Variants in POU6F2 observed in about 807,000 individuals in gnomAD.
The protein encoded by POU6F2 is POU class 6 homeobox 2.
In POU6F2, 31 loss-of-function variants were observed where a neutral mutation model predicts 71.3. The ratio of observed to expected loss-of-function variants is 0.43; its 90% confidence interval spans 0.33 to 0.59. POU6F2 has a LOEUF of 0.59. POU6F2 is among the 20% of genes least tolerant of loss of function. The probability of loss-of-function intolerance (pLI) is 0.04; values close to 1 mark genes in which losing one functional copy is unlikely to be tolerated. For synonymous variants in POU6F2, 347 were observed against 355.7 expected, an observed-to-expected ratio of 0.98 and a Z score of 0.27; for missense variants, 783 against 856.8, an observed-to-expected ratio of 0.91 and a Z score of 1.07.
At chr7:39,212,395 G>A (rs567007566) in intron 4 of POU6F2, among the ~76,000 whole-genome samples, 4 of 152,180 alleles carry the variant, frequency 2.6e-5, no homozygotes, top group Non-Finnish European at 5.9e-5. Context: ...TGTTTTGAAC[G>A]AAGACCTTGG....
rs1368827220 is a variant in POU6F2 at position 38,984,369 on chromosome 7, G to T, written c.105+6311G>T. ...CAGTTTGATGAGTAATAAGTGAAAA[G>T]CGAAATCTTTGTGGGCTTCCCAGGC... On this transcript the variant is annotated intron_variant, in intron 1 of 9. Coordinates refer to ENST00000518318, the MANE Select transcript of POU6F2 (RefSeq NM_001370959.1). The T allele has an allele frequency of 2.0e-5, 3 of 152,088 alleles. No individual in the cohort carries two copies. In the East Asian group the frequency reaches 5.8e-4, roughly 29 times the overall value. 9.4% of individuals were successfully genotyped at this position (152,088 alleles called of 1,614,324 possible). A position where few individuals can be genotyped will look rare whatever the true frequency, so the allele number is the denominator to read the frequency against.
intron 2 of POU6F2, among the ~76,000 whole-genome samples, chr7:39,133,347 G>A (rs1275199729): frequency 6.6e-6 from 1 of 152,190 alleles, no homozygotes; most frequent in Non-Finnish European, 1.5e-5. Context: ...TGAGTCAAAA[G>A]CACCAACATC....
Position 39,245,155 on chromosome 7 carries a change from A to G in POU6F2, c.598+37535A>G, listed in dbSNP as rs568898760. Among the ~76,000 whole-genome samples, 3 of 152,330 alleles carry G rather than the reference A, an allele frequency of 2.0e-5. No individual in the cohort carries two copies. The East Asian group carries it at 5.8e-4, about 29-fold the overall frequency. On this transcript the variant is annotated intron_variant, in intron 4 of 9. Coordinates refer to ENST00000518318, the MANE Select transcript of POU6F2 (RefSeq NM_001370959.1). Reference sequence around the variant, plus strand: ...AAAGCCTACTTTGGGTCTATAAATCACAGAAATGAGTATCTTTAAAGTTTA... The same window carrying G: ...AAAGCCTACTTTGGGTCTATAAATCGCAGAAATGAGTATCTTTAAAGTTTA...
chr7:39,029,557 C>A (rs1015617747), intron 1 of POU6F2, among the ~76,000 whole-genome samples: 14 of 151,674 alleles, frequency 9.2e-5, no homozygotes, highest in African/African-American at 3.4e-4. Context: ...GTGATGGATA[C>A]CCTAAAAGCC....
intron 5 of POU6F2, among the ~76,000 whole-genome samples, chr7:39,387,295 C>T (rs555184939): frequency 6.6e-6 from 1 of 152,228 alleles, no homozygotes; most frequent in Admixed American, 6.5e-5. Context: ...TCCCCACCTA[C>T]CAGTACTAAG....
At chr7:39,443,183 C>T (rs920891134) in intron 7 of POU6F2, among the ~76,000 whole-genome samples, 2 of 152,178 alleles carry the variant, frequency 1.3e-5, no homozygotes, top group African/African-American at 4.8e-5. Context: ...CACCACTGTC[C>T]TCTTCACTGC....
rs554611937 is a variant in POU6F2 at position 38,983,350 on chromosome 7, A to G, written c.105+5292A>G. Among the ~76,000 whole-genome samples, 3 of 149,104 alleles carry G rather than the reference A, an allele frequency of 2.0e-5. No homozygotes were observed. The East Asian group carries it at 5.9e-4, about 29-fold the overall frequency. ...TTCTTTTTCCCTTCCCTCCCTCCCT[A>G]CATCCCTTTCTTCCTTTCTGCTTTT... On this transcript the variant is annotated intron_variant, in intron 1 of 9. Coordinates refer to ENST00000518318, the MANE Select transcript of POU6F2 (RefSeq NM_001370959.1).
intron 2 of POU6F2, among the ~76,000 whole-genome samples, chr7:39,134,422 C>T (rs533623245): frequency 6.6e-6 from 1 of 152,220 alleles, no homozygotes; most frequent in South Asian, 2.1e-4. Flanking sequence ...ACTTTCAGAA[C>T]CATTGCTGTA....
intron 4 of POU6F2, among the ~76,000 whole-genome samples, chr7:39,226,700 A>G (rs2128749291): frequency 6.6e-6 from 1 of 152,348 alleles, no homozygotes; most frequent in East Asian, 1.9e-4. Flanking sequence ...AAAGTAGGTC[A>G]TTCAGAAGTT....
intron 4 of POU6F2, among the ~76,000 whole-genome samples, chr7:39,260,893 C>T (rs1040611003): frequency 2.0e-5 from 3 of 151,888 alleles, no homozygotes; most frequent in Non-Finnish European, 4.4e-5. Flanking sequence ...ACACCATACA[C>T]GCCACCTACA....
chr7:39,027,195 G>A (rs1335950941), intron 1 of POU6F2, among the ~76,000 whole-genome samples: 2 of 152,122 alleles, frequency 1.3e-5, no homozygotes, highest in Non-Finnish European at 2.9e-5. Context: ...TGAGTAATAG[G>A]AAATATATTT....
intron 2 of POU6F2, among the ~76,000 whole-genome samples, chr7:39,089,090 A>G (rs1791313180): frequency 2.0e-5 from 3 of 152,218 alleles, no homozygotes; most frequent in Admixed American, 2.0e-4. Flanking sequence ...CAGCCTAAGT[A>G]GAAAGTTCAG....
chr7:39,114,742 A>C (rs1242301943), intron 2 of POU6F2, among the ~76,000 whole-genome samples: 5 of 152,194 alleles, frequency 3.3e-5, no homozygotes, highest in Non-Finnish European at 7.4e-5. Context: ...ATCATCTTTT[A>C]ATGTTTAATA....
At chr7:39,231,796 C>T (rs1241069465) in intron 4 of POU6F2, among the ~76,000 whole-genome samples, 2 of 151,986 alleles carry the variant, frequency 1.3e-5, no homozygotes, top group African/African-American at 4.8e-5. Context: ...CACTGGCCCT[C>T]GCTGGACATA....
At chr7:39,072,146 T>G (rs1303747661) in intron 1 of POU6F2, among the ~76,000 whole-genome samples, 2 of 152,096 alleles carry the variant, frequency 1.3e-5, no homozygotes, top group Non-Finnish European at 2.9e-5. Flanking sequence ...CTCATTTGTG[T>G]TGTGGGGAAA....
intron 1 of POU6F2, among the ~76,000 whole-genome samples, chr7:39,046,676 T>C (rs1451836029): frequency 6.6e-6 from 1 of 151,902 alleles, no homozygotes; most frequent in Non-Finnish European, 1.5e-5. Context: ...CATAGCAGCA[T>C]CCATGGCTTT....
chr7:39,272,644 T>C (rs140835997), intron 4 of POU6F2, among the ~76,000 whole-genome samples: 2 of 152,380 alleles, frequency 1.3e-5, no homozygotes, highest in African/African-American at 2.4e-5. Context: ...ATTTCCAAGA[T>C]AGAGTTTCTC....
At chr7:39,030,516 A>C (rs1410497335) in intron 1 of POU6F2, among the ~76,000 whole-genome samples, 1 of 104,796 alleles carries the variant, frequency 9.5e-6, no homozygotes. Flanking sequence ...ATATATATAT[A>C]TATATATATA....
intron 2 of POU6F2, among the ~76,000 whole-genome samples, chr7:39,166,394 C>G (rs1339768825): frequency 6.6e-6 from 1 of 152,188 alleles, no homozygotes; most frequent in Non-Finnish European, 1.5e-5. Context: ...GGCTTGACCT[C>G]TAGTATCTCC....
Sources: gnomAD v4.1 joint callset for allele counts (sites outside exome capture counted in the v4.1 genomes callset) on GRCh38, gnomAD v4.1.1 for gene constraint, MANE v1.5 for transcripts, NCBI Gene and HGNC (gene_info 2026-07-23, HGNC 2026-07-21) for gene names.